Variants in AGBL4 observed in about 807,000 individuals in gnomAD.
AGBL4 encodes AGBL carboxypeptidase 4.
AGBL4 carries 58 observed loss-of-function variants against 66.4 expected under a neutral mutation model. The observed-to-expected ratio is 0.87, with a 90% CI of 0.71 to 1.09. The LOEUF (loss-of-function observed/expected upper bound fraction) is 1.09. AGBL4 is among the 50% of genes least tolerant of loss of function. The pLI, the probability that AGBL4 is intolerant of heterozygous loss-of-function variation, is 0.00. For synonymous variants in AGBL4, 234 were observed against 222.9 expected (o/e 1.05, Z -0.44); for missense variants, 579 against 631.0 (o/e 0.92, Z 0.88).
At chr1:49,967,035 G>A (rs1349284633) in intron 1 of AGBL4, among the ~76,000 whole-genome samples, 3 of 152,058 alleles carry the variant, frequency 2.0e-5, no homozygotes, top group Admixed American at 2.0e-4. Context: ...TGGGATTACT[G>A]GGTCAAATGG....
At chr1:49,248,263 C>A (rs924237587) in intron 3 of AGBL4, among the ~76,000 whole-genome samples, 1 of 152,158 alleles carries the variant, frequency 6.6e-6, no homozygotes, top group Non-Finnish European at 1.5e-5. Context: ...TTAAACACTT[C>A]ATTCACATTA....
chr1:49,719,598 A>T (rs552658065), intron 2 of AGBL4, among the ~76,000 whole-genome samples: 1 of 152,260 alleles, frequency 6.6e-6, no homozygotes, highest in Non-Finnish European at 1.5e-5. Context: ...TTTAAATAAT[A>T]ACAAGCAATG....
chr1:49,754,785 C>G (rs754527371), intron 2 of AGBL4, among the ~76,000 whole-genome samples: 60 of 152,166 alleles, frequency 3.9e-4, no homozygotes, highest in Admixed American at 1.3e-4. Flanking sequence ...CTGAAGCTTG[C>G]CCATGGATTT....
chr1:48,902,959 C>G (rs777870414), intron 5 of AGBL4, among the ~76,000 whole-genome samples: 2 of 152,130 alleles, frequency 1.3e-5, no homozygotes, highest in African/African-American at 4.8e-5. Context: ...GCTCTGCCTG[C>G]CAACACCTGG....
intron 9 of AGBL4, among the ~76,000 whole-genome samples, chr1:48,627,865 T>C (rs1645531214): frequency 6.6e-6 from 1 of 152,060 alleles, no homozygotes; most frequent in South Asian, 2.1e-4. Flanking sequence ...CCCATTCACC[T>C]CCCCAGACAG....
In AGBL4 at chr1:49,254,247, C is replaced by T. The variant is rs354171; in HGVS notation, c.283-8383G>A. On this transcript the variant is annotated intron_variant, in intron 3 of 13. Transcript: ENST00000371839. ...CATCTATCCGTGTTTCTAGATGGCA[C>T]GATCCTCTCATCTCAGCCCCATCAT... 2.3e-3 allele frequency among the ~76,000 whole-genome samples: 357 copies of T among 152,038 alleles called. 3 individuals are homozygous for T. Among genetic ancestry groups the T allele is most frequent in the African/African-American group, 7.8e-3 (325 of 41,516 alleles).
At chr1:48,939,819 C>T (rs1655801525) in intron 5 of AGBL4, among the ~76,000 whole-genome samples, 1 of 152,232 alleles carries the variant, frequency 6.6e-6, no homozygotes, top group Non-Finnish European at 1.5e-5. Flanking sequence ...TAATGAACAG[C>T]TTCCTCATTT....
intron 2 of AGBL4, among the ~76,000 whole-genome samples, chr1:49,742,376 A>G (rs1650581699): frequency 1.3e-5 from 2 of 152,182 alleles, no homozygotes; most frequent in Admixed American, 1.3e-4. Flanking sequence ...GGAGAAATAC[A>G]AACCACTGCT....
intron 6 of AGBL4, among the ~76,000 whole-genome samples, chr1:48,789,511 G>A (rs1465413936): frequency 6.6e-6 from 1 of 151,962 alleles, no homozygotes; most frequent in Non-Finnish European, 1.5e-5. Flanking sequence ...GGATGGTCTT[G>A]ATCTCCTGAC....
intron 1 of AGBL4, among the ~76,000 whole-genome samples, chr1:49,882,567 G>C (rs1009842136): frequency 6.6e-6 from 1 of 152,086 alleles, no homozygotes; most frequent in African/African-American, 2.4e-5. Flanking sequence ...ATTTCATTGA[G>C]CAGTGGTTTG....
At chr1:48,641,375 T>C (rs1361899468) in intron 8 of AGBL4, among the ~76,000 whole-genome samples, 2 of 152,092 alleles carry the variant, frequency 1.3e-5, no homozygotes, top group African/African-American at 4.8e-5. Flanking sequence ...GGGATAATCA[T>C]AACACATCCA....
At chr1:48,890,999 T>C (rs1650894609) in intron 5 of AGBL4, among the ~76,000 whole-genome samples, 1 of 152,078 alleles carries the variant, frequency 6.6e-6, no homozygotes, top group Non-Finnish European at 1.5e-5. Context: ...CGAAGTGTAG[T>C]GTTGGGGAGC....
In AGBL4 at chr1:48,813,563, C is replaced by T. The variant is rs138118047; in HGVS notation, c.634+53628G>A. 6.5e-4 allele frequency among the ~76,000 whole-genome samples: 99 copies of T among 152,240 alleles called. 1 individual carries two copies. In the East Asian group the frequency reaches 0.014, roughly 22 times the overall value. ...CCTAGGCTTGATGATGGAAGCCTCACGTATTATCTCATTTATTGTTTACTA... is the reference window on the plus strand; with the variant it reads ...CCTAGGCTTGATGATGGAAGCCTCATGTATTATCTCATTTATTGTTTACTA... On this transcript the variant is annotated intron_variant, in intron 6 of 13. Transcript: ENST00000371839.
chr1:49,972,944 T>A (rs1658257299), intron 1 of AGBL4, among the ~76,000 whole-genome samples: 1 of 152,152 alleles, frequency 6.6e-6, no homozygotes, highest in African/African-American at 2.4e-5. Flanking sequence ...ATAAAGTAAG[T>A]AACATTATCT....
chr1:49,616,687 A>C (rs943761877), intron 3 of AGBL4, among the ~76,000 whole-genome samples: 4 of 152,246 alleles, frequency 2.6e-5, no homozygotes, highest in Middle Eastern at 3.4e-3. Flanking sequence ...ACATATCCAA[A>C]ACCTAGGCTC....
At chr1:48,829,835 G>A (rs1282990654) in intron 6 of AGBL4, among the ~76,000 whole-genome samples, 4 of 152,030 alleles carry the variant, frequency 2.6e-5, no homozygotes, top group African/African-American at 9.7e-5. Context: ...AAAATGTACT[G>A]TTCTGTTGAT....
chr1:49,051,721 C>T (rs537901560), intron 4 of AGBL4, among the ~76,000 whole-genome samples: 1 of 152,214 alleles, frequency 6.6e-6, no homozygotes, highest in South Asian at 2.1e-4. Context: ...CAAACAGGAC[C>T]TATTCTAATT....
At chr1:49,609,702 G>A (rs1405790007) in intron 3 of AGBL4, among the ~76,000 whole-genome samples, 2 of 152,006 alleles carry the variant, frequency 1.3e-5, no homozygotes, top group Non-Finnish European at 1.5e-5. Context: ...TCATTACCCA[G>A]GTAATAAGCA....
chr1:49,236,449 T>C (rs1418411517), intron 4 of AGBL4, among the ~76,000 whole-genome samples: 1 of 152,206 alleles, frequency 6.6e-6, no homozygotes, highest in Admixed American at 6.5e-5. Context: ...TCTGGGATTT[T>C]TGACATTCTA....
Sources: gnomAD v4.1 joint callset for allele counts (sites outside exome capture counted in the v4.1 genomes callset) on GRCh38, gnomAD v4.1.1 for gene constraint, MANE v1.5 for transcripts, NCBI Gene and HGNC (gene_info 2026-07-23, HGNC 2026-07-21) for gene names.